ANO2: variants seen among roughly 807,000 people sequenced by gnomAD.
ANO2 encodes the protein anoctamin-2.
ANO2 carries 101 observed loss-of-function variants against 124.2 expected under a neutral mutation model. The observed-to-expected ratio is 0.81, with a 90% CI of 0.69 to 0.96. The LOEUF is 0.96. ANO2 is among the 40% of genes least tolerant of loss of function. The probability of loss-of-function intolerance (pLI) is 0.00; values close to 1 mark genes in which losing one functional copy is unlikely to be tolerated. For missense variants in ANO2, 1,293 were observed against 1,274.5 expected (o/e 1.01, Z -0.22); for synonymous variants, 486 against 482.5 (o/e 1.01, Z -0.09).
At chr12:5,746,816 C>T (rs1405039722) in intron 11 of ANO2, among the ~76,000 whole-genome samples, 1 of 152,154 alleles carries the variant, frequency 6.6e-6, no homozygotes, top group African/African-American at 2.4e-5. Flanking sequence ...GGTCTCAGAC[C>T]TAAAGTAACC....
At chr12:5,792,086 G>A (rs1952715227) in intron 10 of ANO2, among the ~76,000 whole-genome samples, 1 of 152,200 alleles carries the variant, frequency 6.6e-6, no homozygotes, top group South Asian at 2.1e-4. Context: ...ACTGTGGGCA[G>A]GTAGCACAGG....
intron 3 of ANO2, among the ~76,000 whole-genome samples, chr12:5,861,200 G>C (rs1955256511): frequency 6.6e-6 from 1 of 152,134 alleles, no homozygotes; most frequent in African/African-American, 2.4e-5. Flanking sequence ...CTAATTACAA[G>C]CAGATCCAGG....
chr12:5,803,832 C>T (rs531244461), intron 9 of ANO2, among the ~76,000 whole-genome samples: 25 of 152,312 alleles, frequency 1.6e-4, no homozygotes, highest in African/African-American at 6.0e-4. Context: ...TGCACAATAG[C>T]ACCAGGTGAG....
intron 3 of ANO2, among the ~76,000 whole-genome samples, chr12:5,909,938 T>C (rs1392572992): frequency 6.6e-6 from 1 of 152,202 alleles, no homozygotes; most frequent in Admixed American, 6.5e-5. Context: ...ACTCAGAATG[T>C]TTTTAAATGT....
chr12:5,871,052 C>T (rs1937659237), intron 3 of ANO2, among the ~76,000 whole-genome samples: 1 of 152,156 alleles, frequency 6.6e-6, no homozygotes, highest in Non-Finnish European at 1.5e-5. Flanking sequence ...GGAAGGGAGG[C>T]CTTTTTCTAA....
intron 3 of ANO2, among the ~76,000 whole-genome samples, chr12:5,864,506 C>T (rs897306596): frequency 6.6e-6 from 1 of 152,208 alleles, no homozygotes; most frequent in Non-Finnish European, 1.5e-5. Context: ...TCTGGACAGT[C>T]GCCATCCTGC....
chr12:5,702,543 TG>T (rs1487329116), intron 14 of ANO2, among the ~76,000 whole-genome samples: 1 of 147,600 alleles, frequency 6.8e-6, no homozygotes, highest in African/African-American at 2.5e-5. Flanking sequence ...ATGGAGAAAA[TG>T]CTCATTCTTA....
intron 10 of ANO2, among the ~76,000 whole-genome samples, chr12:5,751,633 T>A (rs1020477544): frequency 6.6e-6 from 1 of 152,116 alleles, no homozygotes; most frequent in African/African-American, 2.4e-5. Context: ...CATGAGAACA[T>A]CACCAATCAC....
chr12:5,678,074 C>A (rs1380372809), intron 14 of ANO2, among the ~76,000 whole-genome samples: 1 of 152,144 alleles, frequency 6.6e-6, no homozygotes, highest in Non-Finnish European at 1.5e-5. Context: ...CCATCAAACC[C>A]CTCAGGTCTG....
chr12:5,621,302 A>G (rs1945107203), intron 16 of ANO2, among the ~76,000 whole-genome samples: 1 of 152,234 alleles, frequency 6.6e-6, no homozygotes, highest in Admixed American at 6.5e-5. Flanking sequence ...TGAATGAATG[A>G]CAGGAAAAAT....
intron 16 of ANO2, among the ~76,000 whole-genome samples, chr12:5,623,955 A>T (rs1591760876): frequency 1.3e-5 from 2 of 151,996 alleles, no homozygotes; most frequent in South Asian, 4.1e-4. Context: ...GGTGGAAATC[A>T]CCCTAGGAGA....
rs764596053 is a variant in ANO2 at position 5,615,290 on chromosome 12, C to T, written c.1824G>A (p.Pro608=). Reference sequence around the variant, plus strand: ...GCTCTTCAAAAGTCTGTTCTGTTTTCGGAACCTCTGTAAGAGAAGAGCGAG... The same window carrying T: ...GCTCTTCAAAAGTCTGTTCTGTTTTTGGAACCTCTGTAAGAGAAGAGCGAG... ...VAKWLTKIEV[P]KTEQTFEERL... The change falls in exon 17 of 25, where the codon CCG becomes CCA. Residue 608 remains proline (P), a synonymous_variant. Transcript: ENST00000682330. 2.2e-5 allele frequency: 36 copies of T among 1,612,206 alleles called. No homozygotes were observed. Among genetic ancestry groups the T allele is most frequent in the African/African-American group, 2.7e-5 (2 of 74,908 alleles).
chr12:5,635,107 C>G lies in ANO2; in HGVS notation c.1816+45G>C. 1 of 1,492,044 alleles carries G rather than the reference C, an allele frequency of 6.7e-7. No homozygotes were observed. Among genetic ancestry groups the G allele is most frequent in the Non-Finnish European group, 8.9e-7 (1 of 1,121,452 alleles). The allele number at this position is 1,492,044 out of a possible 1,614,324, so 92.4% of individuals were successfully genotyped here. ...TCACCAAAAGCCTTGCACGCATTGA[C>G]TTAAAGAGGGCCTAGGACAGCCAGA... is the stretch of plus-strand genomic sequence containing the variant. On this transcript the variant is annotated intron_variant, in intron 16 of 24. Transcript: ENST00000682330. The surrounding 1 kb of genome is among the most constrained non-coding windows in gnomAD (Gnocchi z 5.2).
chr12:5,929,692 AGTCT>A (rs1291041322), intron 1 of ANO2, among the ~76,000 whole-genome samples: 13 of 131,954 alleles, frequency 9.9e-5, no homozygotes. Flanking sequence ...CTTCCTTACT[AGTCT>A]ATCTTCTTTC....
intron 19 of ANO2, among the ~76,000 whole-genome samples, 180 bp from the exon 20 acceptor site, chr12:5,599,809 C>T (rs1297233750): frequency 6.6e-6 from 1 of 152,196 alleles, no homozygotes; most frequent in Admixed American, 6.5e-5. Flanking sequence ...CTGAGGAAGT[C>T]CTTTATAAAG....
At chr12:5,738,599 G>A (rs1950968934) in intron 13 of ANO2, among the ~76,000 whole-genome samples, 1 of 152,148 alleles carries the variant, frequency 6.6e-6, no homozygotes, top group African/African-American at 2.4e-5. Context: ...GAAGAGGGGA[G>A]GAGGGCTGAG....
At chr12:5,656,637 A>C (rs1160691720) in intron 14 of ANO2, among the ~76,000 whole-genome samples, 1 of 152,182 alleles carries the variant, frequency 6.6e-6, no homozygotes, top group Non-Finnish European at 1.5e-5. Context: ...TGTCAGTTCC[A>C]GGAGAGCAGA....
rs372114169 is a variant in ANO2 at position 5,776,291 on chromosome 12, A to C, written c.1055+23216T>G. 4.6e-5 allele frequency among the ~76,000 whole-genome samples: 7 copies of C among 152,350 alleles called. No homozygotes were observed. The South Asian group carries it at 8.3e-4, about 18-fold the overall frequency. On this transcript the variant is annotated intron_variant, in intron 10 of 24. Coordinates refer to ENST00000682330, the MANE Select transcript of ANO2 (RefSeq NM_001364791.2). ...GTCACAGGTGTTCGACGACTGACTCAGAGCCAAGCAGCTGTGATAGGTGAA... is the reference window on the plus strand; with the variant it reads ...GTCACAGGTGTTCGACGACTGACTCCGAGCCAAGCAGCTGTGATAGGTGAA...
At chr12:5,624,934 C>T (rs1484154651) in intron 16 of ANO2, among the ~76,000 whole-genome samples, 1 of 152,096 alleles carries the variant, frequency 6.6e-6, no homozygotes, top group African/African-American at 2.4e-5. Context: ...CTGGGGAGAG[C>T]TCTAGGGGGA....
Sources: gnomAD v4.1 joint callset for allele counts (sites outside exome capture counted in the v4.1 genomes callset) on GRCh38, gnomAD v4.1.1 for gene constraint, Gnocchi (gnomAD v3.1) non-coding constraint, MANE v1.5 for transcripts, NCBI Gene and HGNC (gene_info 2026-07-23, HGNC 2026-07-21) for gene names.